The following KCNMA1 variants were observed in gnomAD, a reference collection of about 807,000 sequenced individuals.
KCNMA1 encodes the protein Calcium-activated potassium channel subunit alpha-1.
In KCNMA1, 29 loss-of-function variants were observed where a neutral mutation model predicts 140.0. The ratio of observed to expected loss-of-function variants is 0.21; its 90% CI spans 0.15 to 0.28. The LOEUF (loss-of-function observed/expected upper bound fraction) is 0.28. Among genes scored for constraint, KCNMA1 ranks in the 10% least tolerant of loss-of-function variants. The pLI is 1.00. For missense variants in KCNMA1, 880 were observed against 1,602.2 expected (o/e 0.55, Z 7.70); for synonymous variants, 612 against 611.9 (o/e 1.00, Z 0.00).
At chr10:77,172,738 A>G (rs1386381846) in intron 5 of KCNMA1, among the ~76,000 whole-genome samples, 1 of 151,752 alleles carries the variant, frequency 6.6e-6, no homozygotes, top group Non-Finnish European at 1.5e-5. Flanking sequence ...GTAGAGCCCC[A>G]TGTCAGTCTA....
At chr10:77,250,344 C>T (rs2059434076) in intron 3 of KCNMA1, 1 of 152,268 alleles carries the variant, frequency 6.6e-6, no homozygotes, top group South Asian at 2.1e-4. Flanking sequence ...CACGCCACAA[C>T]AGAAAATGAG....
At chr10:77,208,221 T>C (rs1421547428) in intron 3 of KCNMA1, among the ~76,000 whole-genome samples, 2 of 152,218 alleles carry the variant, frequency 1.3e-5, no homozygotes, top group Non-Finnish European at 2.9e-5. Context: ...GATTCCCTTC[T>C]CTTAGTTCCA....
chr10:76,922,954 G>A (rs906214799), intron 23 of KCNMA1, among the ~76,000 whole-genome samples: 6 of 152,046 alleles, frequency 3.9e-5, no homozygotes, highest in Admixed American at 1.3e-4. Flanking sequence ...CAGTGACCAG[G>A]GACAAGACCT....
chr10:77,226,063 A>T (rs1278818596), intron 3 of KCNMA1, among the ~76,000 whole-genome samples: 2 of 152,186 alleles, frequency 1.3e-5, no homozygotes, highest in Non-Finnish European at 2.9e-5. Context: ...GCAGCTGGAA[A>T]AGGCAAATTC....
chr10:77,583,662 C>T (rs1427005541), intron 1 of KCNMA1, among the ~76,000 whole-genome samples: 1 of 152,252 alleles, frequency 6.6e-6, no homozygotes. Context: ...ATTGAGCTTA[C>T]TCCTGGGTCT....
At chr10:77,548,056 T>C (rs1179067767) in intron 1 of KCNMA1, among the ~76,000 whole-genome samples, 5 of 152,308 alleles carry the variant, frequency 3.3e-5, no homozygotes, top group Admixed American at 3.3e-4. Flanking sequence ...CAGATGTAGT[T>C]AGGCCTATTT....
chr10:77,248,172 T>C (rs35362534), intron 3 of KCNMA1, among the ~76,000 whole-genome samples: 25,416 of 152,180 alleles, frequency 0.17, 2,440 homozygotes, highest in Middle Eastern at 0.23. Flanking sequence ...TGGACAGAAG[T>C]AAAATAACTA....
chr10:77,187,585 G>A (rs934753867), intron 3 of KCNMA1, among the ~76,000 whole-genome samples: 4 of 152,214 alleles, frequency 2.6e-5, no homozygotes, highest in Non-Finnish European at 4.4e-5. Flanking sequence ...TGCCGCTGGC[G>A]CGGGTGGCTT....
intron 2 of KCNMA1, among the ~76,000 whole-genome samples, chr10:77,338,752 T>C (rs1388689144): frequency 6.6e-6 from 1 of 152,334 alleles, no homozygotes; most frequent in African/African-American, 2.4e-5. Flanking sequence ...CTTGATGATG[T>C]CATTTGTGAA....
chr10:77,551,745 G>A (rs1257900003), intron 1 of KCNMA1, among the ~76,000 whole-genome samples: 1 of 152,228 alleles, frequency 6.6e-6, no homozygotes, highest in African/African-American at 2.4e-5. Flanking sequence ...TAAGCATGGT[G>A]TGTGTGGAGC....
intron 5 of KCNMA1, among the ~76,000 whole-genome samples, chr10:77,143,166 T>C (rs2098218614): frequency 6.6e-6 from 1 of 151,800 alleles, no homozygotes. Context: ...GACACAACAA[T>C]CCTTAAATAA....
chr10:77,520,308 GCAGTGTGAGGGTATC>G (rs1474762340), intron 1 of KCNMA1, among the ~76,000 whole-genome samples: 5 of 151,858 alleles, frequency 3.3e-5, no homozygotes, highest in Non-Finnish European at 2.9e-5. Flanking sequence ...GTGAGGGTGT[GCAGTGTGAGGGTATC>G]CAGTGTGAGG....
At chr10:77,000,414 T>C (rs1044698902) in intron 19 of KCNMA1, among the ~76,000 whole-genome samples, 8 of 152,158 alleles carry the variant, frequency 5.3e-5, no homozygotes, top group African/African-American at 1.9e-4. Context: ...ATGAACCGTA[T>C]CAGGAAAACA....
At chr10:77,312,698 A>G (rs1375312148) in intron 2 of KCNMA1, among the ~76,000 whole-genome samples, 3 of 152,270 alleles carry the variant, frequency 2.0e-5, no homozygotes, top group East Asian at 3.9e-4. Context: ...GAGAAAAGGG[A>G]GTACTCATTG....
In KCNMA1 at chr10:76,887,002, T is replaced by G; in HGVS notation, c.*264A>C. On this transcript the variant is annotated 3_prime_UTR_variant, in exon 28 of 28. Transcript: ENST00000286628. ...ACTCGTTCCTGCAGTGAGCTATTTA[T>G]GTCTGGAGCATGCCTTTGGGTTATT... The G allele has an allele frequency of 1.5e-6, 2 of 1,306,144 alleles. No homozygotes were observed. The highest frequency in any genetic ancestry group is 2.0e-6 in the Non-Finnish European group (2 of 1,017,216). 80.9% of individuals were successfully genotyped at this position (1,306,144 alleles called of 1,614,324 possible). A position where few individuals can be genotyped will look rare whatever the true frequency, so the allele number is the denominator to read the frequency against.
intron 2 of KCNMA1, among the ~76,000 whole-genome samples, chr10:77,329,664 A>T (rs2085588385): frequency 6.6e-6 from 1 of 152,252 alleles, no homozygotes; most frequent in African/African-American, 2.4e-5. Context: ...GAACAACACG[A>T]ATGTCCTATC....
intron 2 of KCNMA1, chr10:77,376,664 AC>A (rs1342304004): frequency 1.4e-4 from 20 of 146,644 alleles, no homozygotes; most frequent in Non-Finnish European, 2.5e-4. Flanking sequence ...GAGGCCGGGC[AC>A]AGTGGCTCAT....
At chr10:76,982,081 TG>T (rs2079675744) in intron 19 of KCNMA1, among the ~76,000 whole-genome samples, 1 of 152,306 alleles carries the variant, frequency 6.6e-6, no homozygotes, top group East Asian at 1.9e-4. Flanking sequence ...TGATTTGTAA[TG>T]ACTCTGAGTT....
intron 3 of KCNMA1, among the ~76,000 whole-genome samples, chr10:77,225,308 C>T (rs2050960332): frequency 6.6e-6 from 1 of 152,148 alleles, no homozygotes; most frequent in African/African-American, 2.4e-5. Context: ...TCCTCTTGGG[C>T]TTCAGTCTGG....
Sources: gnomAD v4.1 joint callset for allele counts (sites outside exome capture counted in the v4.1 genomes callset) on GRCh38, gnomAD v4.1.1 for gene constraint, MANE v1.5 for transcripts, NCBI Gene and HGNC (gene_info 2026-07-23, HGNC 2026-07-21) for gene names.